COL6A5: variants seen among roughly 807,000 people sequenced by gnomAD.
COL6A5 encodes collagen alpha-5(VI) chain.
Under a neutral mutation model 65.6 loss-of-function variants are expected in COL6A5, and 48 were observed. The observed-to-expected ratio is 0.73, with a 90% CI of 0.58 to 0.93. COL6A5 has a LOEUF of 0.93. Among genes scored for constraint, COL6A5 ranks in the 40% least tolerant of loss-of-function variants. COL6A5 has a pLI of 0.00. For missense variants in COL6A5, 914 were observed against 928.3 expected, an observed-to-expected ratio of 0.98 and a Z score of 0.20; for synonymous variants, 291 against 322.8, an observed-to-expected ratio of 0.90 and a Z score of 1.05.
rs552293746 is a variant in COL6A5 at position 130,475,222 on chromosome 3, A to T, written c.2328+4255A>T. Among the ~76,000 whole-genome samples the T allele has an allele frequency of 7.8e-4, 119 of 151,916 alleles. 1 individual carries two copies. The highest frequency in any genetic ancestry group is 2.7e-3 in the African/African-American group (113 of 41,502). ...GTAGAAAGATTCATGCAGAAAAAAT[A>T]TTTTAGGAAATAATGACCAAAAATC... is the stretch of plus-strand genomic sequence containing the variant. On this transcript the variant is annotated intron_variant, in intron 7 of 7. Transcript: ENST00000512836.
intron 4 of COL6A5, among the ~76,000 whole-genome samples, chr3:130,383,809 T>C (rs1053579078): frequency 7.2e-5 from 11 of 151,916 alleles, no homozygotes; most frequent in African/African-American, 2.7e-4. Flanking sequence ...GCAAAAATAG[T>C]TTTTCATAGA....
exon 3 of COL6A5, chr3:130,440,478 C>T (rs1437845751): frequency 6.2e-7 from 1 of 1,613,642 alleles, no homozygotes; most frequent in East Asian, 2.2e-5. Context: ...CACATCCAGA[C>T]TTCCTTCCAA....
exon 3 of COL6A5, chr3:130,440,497 T>C (rs764553572): frequency 6.2e-7 from 1 of 1,613,708 alleles, no homozygotes; most frequent in South Asian, 1.1e-5. Flanking sequence ...AACAGCTAAA[T>C]GGAGAAGCAA....
chr3:130,386,569 G>C (rs751389853), intron 5 of COL6A5, among the ~76,000 whole-genome samples: 1 of 152,088 alleles, frequency 6.6e-6, no homozygotes, highest in African/African-American at 2.4e-5. Context: ...CAGTAACAGA[G>C]TTGGGTCTTT....
chr3:130,376,486 G>A (rs1320958035), exon 3 of COL6A5: 2 of 1,606,550 alleles, frequency 1.2e-6, no homozygotes, highest in African/African-American at 1.3e-5. Flanking sequence ...TTCATTGGCG[G>A]GTCCCTGCAG....
At chr3:130,395,244 C>T (rs1425648691) in exon 8 of COL6A5, 2 of 1,551,656 alleles carry the variant, frequency 1.3e-6, no homozygotes, top group Admixed American at 3.9e-5. Flanking sequence ...GTTATCACAT[C>T]TGGAGATCCT....
At chr3:130,399,545 T>TAG (rs1936735260) in intron 10 of COL6A5, among the ~76,000 whole-genome samples, 1 of 151,496 alleles carries the variant, frequency 6.6e-6, no homozygotes, top group South Asian at 2.1e-4. Flanking sequence ...TAATTTTTTT[T>TAG]TATTTTTAGT....
At chr3:130,348,787 G>A (rs1299762092) in intron 1 of COL6A5, among the ~76,000 whole-genome samples, 1 of 152,160 alleles carries the variant, frequency 6.6e-6, no homozygotes, top group Non-Finnish European at 1.5e-5. Context: ...AGCATCTGTT[G>A]TTTCCTGACT....
intron 1 of COL6A5, among the ~76,000 whole-genome samples, chr3:130,356,757 A>G (rs1256561785): frequency 1.3e-5 from 2 of 152,206 alleles, no homozygotes; most frequent in South Asian, 4.1e-4. Flanking sequence ...AAGAAATTGA[A>G]AATGCAGTCA....
At chr3:130,437,796 G>A (rs1305814122) in intron 1 of COL6A5, among the ~76,000 whole-genome samples, 2 of 151,744 alleles carry the variant, frequency 1.3e-5, no homozygotes, top group Non-Finnish European at 2.9e-5. Flanking sequence ...CCTCTTCTTT[G>A]AATTTTTGCT....
At chr3:130,351,957 C>A (rs1934732918) in intron 1 of COL6A5, among the ~76,000 whole-genome samples, 1 of 152,154 alleles carries the variant, frequency 6.6e-6, no homozygotes, top group Non-Finnish European at 1.5e-5. Flanking sequence ...CACATATACA[C>A]CATGGAATAC....
intron 3 of COL6A5, among the ~76,000 whole-genome samples, chr3:130,378,759 A>G (rs1935876980): frequency 6.6e-6 from 1 of 151,738 alleles, no homozygotes; most frequent in African/African-American, 2.4e-5. Context: ...TTCTCAACCC[A>G]CATGTGATCC....
chr3:130,469,908 T>C (rs537886255), intron 6 of COL6A5, among the ~76,000 whole-genome samples: 1 of 152,166 alleles, frequency 6.6e-6, no homozygotes, highest in South Asian at 2.1e-4. Context: ...ACTCAACCCC[T>C]CACATTCTGA....
Position 130,410,669 on chromosome 3 carries a change from G to A in COL6A5, c.4662+145G>A, listed in dbSNP as rs188587811. 1,481 of 684,910 alleles carry A rather than the reference G, an allele frequency of 2.2e-3. 18 individuals are homozygous for A. The African/African-American group carries it at 0.025, about 11-fold the overall frequency. 42.4% of individuals were successfully genotyped at this position (684,910 alleles called of 1,614,324 possible). A position where few individuals can be genotyped will look rare whatever the true frequency, so the allele number is the denominator to read the frequency against. On this transcript the variant is annotated intron_variant and NMD_transcript_variant, in intron 20 of 41. Transcript: ENST00000312481. ...CCATCTTGACACTACTGAAATTTGG[G>A]GCCAATAATTATTTCTTGTGAATGG...
At chr3:130,362,308 ATATATATATATATATATATTTTT>A (rs1418725790) in intron 1 of COL6A5, among the ~76,000 whole-genome samples, 6,957 of 20,986 alleles carry the variant, frequency 0.33, 416 homozygotes, top group Non-Finnish European at 0.36. Context: ...ATATATATAT[ATATATATATATATATATATTTTT>A]TTTTTTTTTT....
chr3:130,431,604 T>G, exon 1 of COL6A5: 3 of 1,551,632 alleles, frequency 1.9e-6, no homozygotes, highest in Non-Finnish European at 1.7e-6. Flanking sequence ...ATAACTGTCC[T>G]GTGGGAGCAA....
chr3:130,400,809 A>T (rs372648913), intron 10 of COL6A5, among the ~76,000 whole-genome samples: 1 of 152,244 alleles, frequency 6.6e-6, no homozygotes, highest in South Asian at 2.1e-4. Context: ...TTATCAGGGG[A>T]TTTCATGCGA....
At position 130,379,462 on chromosome 3, in the gene COL6A5, G is replaced by A. The variant is rs907102343; in HGVS notation, c.712G>A (p.Val238Met). The A allele has an allele frequency of 6.7e-5, 104 of 1,551,190 alleles. 2 individuals are homozygous for A. Among genetic ancestry groups the A allele is most frequent in the South Asian group, 1.8e-4 (15 of 84,032 alleles). ...TCAGAAAGATTCACTCGCTGACCTC[G>A]TGTTCCTGGTGGATGAGTCACTTGG... is the stretch of plus-strand genomic sequence containing the variant. Residue 238 changes from valine to methionine, a missense_variant and NMD_transcript_variant, in exon 4 of 42, where the codon GTG becomes ATG. Physicochemically the swap from Val to Met is conservative, Grantham distance 21 (BLOSUM62 1). Transcript: ENST00000312481.
chr3:130,353,255 T>C (rs1934787364), intron 1 of COL6A5, among the ~76,000 whole-genome samples: 1 of 152,204 alleles, frequency 6.6e-6, no homozygotes, highest in African/African-American at 2.4e-5. Context: ...GTTGGACCTG[T>C]CTTTCCTCAA....
Sources: allele counts gnomAD v4.1 joint callset (sites outside exome capture counted in the v4.1 genomes callset), GRCh38; gene constraint gnomAD v4.1.1; transcripts MANE v1.5; gene names NCBI Gene and HGNC (gene_info 2026-07-23, HGNC 2026-07-21).